The following SERPINA10 variants were observed in gnomAD, a reference collection of about 807,000 sequenced individuals.
SERPINA10 encodes serpin family A member 10, also known as protein Z-dependent protease inhibitor.
Under a neutral mutation model 28.0 loss-of-function variants are expected in SERPINA10, and 24 were observed. That is an observed-to-expected ratio of 0.86 (90% CI 0.62 to 1.20). The LOEUF is 1.20. SERPINA10 is among the 50% of genes most tolerant of loss of function. SERPINA10 has a pLI of 0.00. For missense variants in SERPINA10, 521 were observed against 537.7 expected (o/e 0.97, Z 0.31); for synonymous variants, 207 against 203.9 (o/e 1.02, Z -0.13).
At chr14:94,284,961 A>T (rs1421443909) in intron 4 of SERPINA10, among the ~76,000 whole-genome samples, 1 of 152,194 alleles carries the variant, frequency 6.6e-6, no homozygotes, top group East Asian at 1.9e-4. Flanking sequence ...ATGTGTTCAT[A>T]GCAGAAACAC....
At chr14:94,284,530 T>C (rs1162922223) in intron 4 of SERPINA10, among the ~76,000 whole-genome samples, 2 of 152,220 alleles carry the variant, frequency 1.3e-5, no homozygotes, top group Non-Finnish European at 2.9e-5. Context: ...CCTTGATCCC[T>C]GGATCCCTTG....
Position 94,286,391 on chromosome 14 carries a change from A to G in SERPINA10, c.993-133T>C, listed in dbSNP as rs1399883414. On this transcript the variant is annotated intron_variant, in intron 3 of 4. Coordinates refer to ENST00000261994, the MANE Select transcript of SERPINA10 (RefSeq NM_001100607.3). ...TTCAGTTGACTATGTAGTTCATGCC[A>G]TTCTTTTACAGTGGTCTACTCAGGG... is the stretch of plus-strand genomic sequence containing the variant. 10 of 968,658 alleles carry G rather than the reference A, an allele frequency of 1.0e-5. No homozygotes were observed. The East Asian group carries it at 2.2e-4, about 22-fold the overall frequency. The allele number at this position is 968,658 out of a possible 1,614,324, so 60.0% of individuals were successfully genotyped here. A position where few individuals can be genotyped will look rare whatever the true frequency, so the allele number is the denominator to read the frequency against.
In SERPINA10 at chr14:94,293,230, G is replaced by A. The variant is rs1012678315; in HGVS notation, c.-92C>T. 6.5e-6 allele frequency: 1 copy of A among 152,838 alleles called. No homozygotes were observed. The highest frequency in any genetic ancestry group is 2.4e-5 in the African/African-American group (1 of 41,438). The allele number at this position is 152,838 out of a possible 1,614,324, so 9.5% of individuals were successfully genotyped here. A position where few individuals can be genotyped will look rare whatever the true frequency, so the allele number is the denominator to read the frequency against. ...GTCCTGGAAAAGTCCTTCATTTAGA[G>A]CAGAAACCAAAGCTTCAGCTTTGCA... On this transcript the variant is annotated 5_prime_UTR_variant, in exon 1 of 5. Coordinates refer to ENST00000261994, the MANE Select transcript of SERPINA10 (RefSeq NM_001100607.3).
intron 1 of SERPINA10, chr14:94,292,761 G>T: frequency 1.4e-6 from 1 of 693,562 alleles, no homozygotes; most frequent in South Asian, 1.5e-5. Context: ...GGGTGCTCCT[G>T]GACTAGGACA....
rs544367647 is a variant in SERPINA10, at chr14:94,281,435, CAAAACAAAAACA to C, written c.*2518_*2529del. 4 of 152,058 alleles carry C rather than the reference CAAAACAAAAACA, an allele frequency of 2.6e-5. No homozygotes were observed. Among genetic ancestry groups the C allele is most frequent in the African/African-American group, 9.7e-5 (4 of 41,316 alleles). 9.4% of individuals were successfully genotyped at this position (152,058 alleles called of 1,614,324 possible). On this transcript the variant is annotated 3_prime_UTR_variant, in exon 5 of 5. Transcript: ENST00000261994. ...TGGGTGACAGAGCAAGACTCTGTCT[CAAAACAAAAACA>C]AAAACAAAAACAAAAACTCGACACA...
Position 94,290,372 on chromosome 14 carries a change from C to T in SERPINA10, c.222G>A (p.Gln74=), listed in dbSNP as rs111361449. ...EKAWLMASRQ[Q]LAKETSNFGF... is the part of the protein sequence containing the mutation. Reference sequence around the variant, plus strand: ...CGAAGTTTGAAGTCTCCTTGGCAAGCTGCTGCCTGCTGGCCATCAGCCAGG... The same window carrying T: ...CGAAGTTTGAAGTCTCCTTGGCAAGTTGCTGCCTGCTGGCCATCAGCCAGG... Residue 74 remains glutamine (Q), a synonymous_variant, in exon 2 of 5, where the codon CAG becomes CAA. Transcript: ENST00000261994. The T allele has an allele frequency of 4.3e-6, 7 of 1,614,112 alleles. No homozygotes were observed. The African/African-American group carries it at 8.0e-5, about 18-fold the overall frequency.
chr14:94,292,897 G>A (rs1895214422), intron 1 of SERPINA10: 6 of 535,006 alleles, frequency 1.1e-5, no homozygotes. Flanking sequence ...CCTGGGAAGG[G>A]GAGACCTGCT....
At chr14:94,286,532 TA>T (rs879315681) in intron 3 of SERPINA10, among the ~76,000 whole-genome samples, 2 of 152,048 alleles carry the variant, frequency 1.3e-5, no homozygotes, top group Non-Finnish European at 2.9e-5. Flanking sequence ...CCCTATATTT[TA>T]AAAAAAACCT....
Position 94,282,212 on chromosome 14 carries a change from A to C in SERPINA10, c.*1753T>G, listed in dbSNP as rs1211728935. 2 of 152,032 alleles carry C rather than the reference A, an allele frequency of 1.3e-5. No individual in the cohort carries two copies. The highest frequency in any genetic ancestry group is 2.9e-5 in the Non-Finnish European group (2 of 67,994). 9.4% of individuals were successfully genotyped at this position (152,032 alleles called of 1,614,324 possible). ...TGCATATTAATATTATTACCTATTC[A>C]CATTACTCTGAATTATATTAAACAA... On this transcript the variant is annotated 3_prime_UTR_variant, in exon 5 of 5. Transcript: ENST00000261994.
Position 94,286,166 on chromosome 14 carries a change from G to A in SERPINA10, c.1085C>T (p.Ser362Leu), listed in dbSNP as rs908239517. ...LRQMGIRRIF[S>L]PFADLSELSA... ...GAGTTCACTAAGGTCAGCAAAGGGT[G>A]AGAAGATTCTTCTGATTCCCATCTG... The change falls in exon 4 of 5, where the codon TCA (serine) becomes TTA (leucine). Residue 362 changes from serine (S) to leucine (L), a missense_variant. Ser to Leu is a moderately radical substitution (Grantham distance 145). Transcript: ENST00000261994. The A allele has an allele frequency of 6.2e-7, 1 of 1,614,094 alleles. No homozygotes were observed. The highest frequency in any genetic ancestry group is 8.5e-7 in the Non-Finnish European group (1 of 1,179,996).
At chr14:94,292,569 C>T (rs1007946956) in intron 1 of SERPINA10, 31 of 701,170 alleles carry the variant, frequency 4.4e-5, no homozygotes, top group Middle Eastern at 2.3e-4. Context: ...TAGCCCAGCA[C>T]GCCAACTAGA....
chr14:94,284,659 C>T (rs1043294665), intron 4 of SERPINA10, among the ~76,000 whole-genome samples: 1 of 152,164 alleles, frequency 6.6e-6, no homozygotes, highest in Admixed American at 6.5e-5. Flanking sequence ...GCCCAGGGGT[C>T]CCTGGAGCCT....
At chr14:94,286,532 T>A (rs80136818) in intron 3 of SERPINA10, among the ~76,000 whole-genome samples, 5,023 of 152,148 alleles carry the variant, frequency 0.033, 230 homozygotes, top group African/African-American at 0.097. Context: ...CCCTATATTT[T>A]AAAAAAAACC....
At chr14:94,289,735 T>C (rs907009273) in intron 2 of SERPINA10, 141 bp downstream of exon 2, 3 of 911,460 alleles carry the variant, frequency 3.3e-6, no homozygotes, top group African/African-American at 3.3e-5. Context: ...GTTCAATATG[T>C]GTATCAATCT....
At chr14:94,286,859 C>T (rs896270569) in intron 3 of SERPINA10, among the ~76,000 whole-genome samples, 4 of 152,170 alleles carry the variant, frequency 2.6e-5, no homozygotes, top group Non-Finnish European at 4.4e-5. Context: ...GCAAACATTA[C>T]TTGAGGGCTT....
At chr14:94,286,646 G>A (rs1025119317) in intron 3 of SERPINA10, among the ~76,000 whole-genome samples, 3 of 152,154 alleles carry the variant, frequency 2.0e-5, no homozygotes, top group African/African-American at 7.2e-5. Flanking sequence ...GATGGGGAGG[G>A]GAGCAAAGAA....
chr14:94,288,552 C>T lies in SERPINA10; in HGVS notation c.726G>A (p.Trp242Ter), dbSNP rs1183545878. The T allele has an allele frequency of 6.2e-7, 1 of 1,614,082 alleles. No individual in the cohort carries two copies. The highest frequency in any genetic ancestry group is 8.5e-7 in the Non-Finnish European group (1 of 1,180,040). Residue 242 changes from tryptophan to a stop codon, truncating the protein, a stop_gained, in exon 3 of 5, where the codon TGG (tryptophan) becomes TGA (stop). Transcript: ENST00000261994. LOFTEE classifies it high-confidence loss of function. ...TGAAGACAGGGTCAAATGGGGTCAA[C>T]CATTTCCCTGAACAAGTAAGAGAAG... ...LVDYILFKGK[W>*]LTPFDPVFTE...
chr14:94,286,726 C>A (rs1169767075), intron 3 of SERPINA10, among the ~76,000 whole-genome samples: 1 of 152,076 alleles, frequency 6.6e-6, no homozygotes, highest in African/African-American at 2.4e-5. Context: ...CTGGAGTCCT[C>A]CTTTGAAAAT....
At chr14:94,284,867 G>A (rs1265245386) in intron 4 of SERPINA10, among the ~76,000 whole-genome samples, 1 of 152,168 alleles carries the variant, frequency 6.6e-6, no homozygotes, top group African/African-American at 2.4e-5. Context: ...ATTCCCCAGA[G>A]CAAACAGAGG....
Sources: allele counts gnomAD v4.1 joint callset (sites outside exome capture counted in the v4.1 genomes callset), GRCh38; gene constraint gnomAD v4.1.1; transcripts MANE v1.5; gene names NCBI Gene and HGNC (gene_info 2026-07-23, HGNC 2026-07-21).